The following KHDRBS2 variants were observed in gnomAD, a reference collection of about 807,000 sequenced individuals.
KHDRBS2 encodes the protein KH domain-containing, RNA-binding, signal transduction-associated protein 2.
In KHDRBS2, 26 loss-of-function variants were observed where a neutral mutation model predicts 44.3. The ratio of observed to expected loss-of-function variants is 0.59; its 90% confidence interval spans 0.43 to 0.81. The LOEUF (loss-of-function observed/expected upper bound fraction) is 0.81. Ranked by LOEUF, KHDRBS2 falls within the 40% of genes least tolerant of loss-of-function variation. KHDRBS2 has a pLI of 0.00. For synonymous variants in KHDRBS2, 194 were observed against 151.1 expected, an observed-to-expected ratio of 1.28 and a Z score of -2.08; for missense variants, 476 against 433.1, an observed-to-expected ratio of 1.10 and a Z score of -0.88.
At chr6:61,620,523 G>A in the KHDRBS2 span, among the ~76,000 whole-genome samples, 1 of 152,306 alleles carries the variant, frequency 6.6e-6, no homozygotes, top group South Asian at 2.1e-4. Flanking sequence ...ATTGTTCTGT[G>A]AAGTTACTCA....
At chr6:62,101,294 T>G (rs1801845360) in intron 2 of KHDRBS2, among the ~76,000 whole-genome samples, 1 of 152,162 alleles carries the variant, frequency 6.6e-6, no homozygotes, top group South Asian at 2.1e-4. Context: ...TCCACAGTTT[T>G]GCAGCAGTGG....
At position 61,723,574 on chromosome 6, in the gene KHDRBS2, C is replaced by CA. The variant is rs575590921; in HGVS notation, c.893+9107dup. On this transcript the variant is annotated intron_variant, in intron 7 of 8. Coordinates refer to ENST00000281156, the MANE Select transcript of KHDRBS2 (RefSeq NM_152688.4). ...AAAAACAAACAAACAAACAAACAAA[C>CA]AAAAAAACAACAATACAGAAGCTGA... Among the ~76,000 whole-genome samples the CA allele has an allele frequency of 2.4e-3, 359 of 150,494 alleles. 2 individuals carry two copies. Among genetic ancestry groups the CA allele is most frequent in the African/African-American group, 8.2e-3 (339 of 41,162 alleles).
the KHDRBS2 span, among the ~76,000 whole-genome samples, chr6:61,641,881 AATT>A: frequency 3.3e-5 from 5 of 152,214 alleles, no homozygotes; most frequent in Non-Finnish European, 5.9e-5. Flanking sequence ...TTATGAGATA[AATT>A]ATTATCATTC....
chr6:61,811,980 T>C (rs192467790), intron 6 of KHDRBS2, among the ~76,000 whole-genome samples: 19 of 152,216 alleles, frequency 1.2e-4, no homozygotes, highest in East Asian at 1.9e-4. Context: ...TCCATTAAAA[T>C]TATCTTCTTT....
At chr6:61,551,305 AT>A in the KHDRBS2 span, among the ~76,000 whole-genome samples, 2 of 151,664 alleles carry the variant, frequency 1.3e-5, no homozygotes, top group Admixed American at 1.3e-4. Context: ...ATTTTTTCCC[AT>A]TTTGTAGGTT....
At chr6:62,200,906 TA>T (rs60290542) in intron 1 of KHDRBS2, among the ~76,000 whole-genome samples, 26,073 of 152,074 alleles carry the variant, frequency 0.17, 2,510 homozygotes, top group African/African-American at 0.26. Flanking sequence ...TATGCAGCCA[TA>T]AAAAATGATG....
chr6:62,030,920 G>A (rs1007349881), intron 3 of KHDRBS2, among the ~76,000 whole-genome samples: 9 of 151,970 alleles, frequency 5.9e-5, no homozygotes, highest in East Asian at 1.9e-4. Flanking sequence ...TAAATAAATC[G>A]TGGTATAGGC....
chr6:62,242,104 A>C (rs553870006), intron 1 of KHDRBS2, among the ~76,000 whole-genome samples: 1 of 152,272 alleles, frequency 6.6e-6, no homozygotes, highest in South Asian at 2.1e-4. Flanking sequence ...ATTTAGCATC[A>C]TATTATTAAA....
Position 61,890,746 on chromosome 6 carries a change from C to T in KHDRBS2, c.810+3889G>A, listed in dbSNP as rs1238520908. ...AGTCCTTATTTTTCACATACTATGT[C>T]TCTGGCAAGAAATGGCAGAACCAGG... On this transcript the variant is annotated intron_variant, in intron 6 of 8. Transcript: ENST00000281156. 3.3e-5 allele frequency among the ~76,000 whole-genome samples: 5 copies of T among 152,172 alleles called. No individual in the cohort carries two copies. The South Asian group carries it at 1.0e-3, about 31-fold the overall frequency.
At chr6:62,095,334 G>T (rs1800351571) in intron 2 of KHDRBS2, among the ~76,000 whole-genome samples, 1 of 151,660 alleles carries the variant, frequency 6.6e-6, no homozygotes, top group African/African-American at 2.4e-5. Context: ...ACATACAAAG[G>T]TGGTCCCATA....
intron 2 of KHDRBS2, among the ~76,000 whole-genome samples, chr6:62,108,272 A>G (rs1251840642): frequency 6.6e-6 from 1 of 152,208 alleles, no homozygotes; most frequent in African/African-American, 2.4e-5. Context: ...ACCCCATCAA[A>G]AAGTGGGCGA....
intron 6 of KHDRBS2, among the ~76,000 whole-genome samples, chr6:61,864,228 A>T (rs1382582071): frequency 6.6e-6 from 1 of 152,116 alleles, no homozygotes; most frequent in East Asian, 1.9e-4. Context: ...TTCTTTATCC[A>T]GCTTGCCACT....
chr6:61,758,923 A>G (rs1778889905), intron 6 of KHDRBS2, among the ~76,000 whole-genome samples: 1 of 152,148 alleles, frequency 6.6e-6, no homozygotes, highest in South Asian at 2.1e-4. Flanking sequence ...TATTTACCAC[A>G]CTGCAAATAA....
At chr6:62,159,103 A>G (rs2150110643) in intron 2 of KHDRBS2, among the ~76,000 whole-genome samples, 1 of 152,250 alleles carries the variant, frequency 6.6e-6, no homozygotes, top group East Asian at 1.9e-4. Context: ...GACATGGAGG[A>G]TGTGTAGGCT....
At chr6:62,012,396 T>C (rs965336226) in intron 3 of KHDRBS2, among the ~76,000 whole-genome samples, 4 of 152,306 alleles carry the variant, frequency 2.6e-5, no homozygotes, top group African/African-American at 7.2e-5. Flanking sequence ...CCACTCTTAC[T>C]CATCCACAAT....
At chr6:62,155,859 A>G (rs1816251674) in intron 2 of KHDRBS2, among the ~76,000 whole-genome samples, 2 of 152,236 alleles carry the variant, frequency 1.3e-5, no homozygotes, top group African/African-American at 2.4e-5. Flanking sequence ...GTGTTTCTGC[A>G]TAATCTTTCC....
chr6:62,077,142 T>A (rs1796505935), intron 2 of KHDRBS2, among the ~76,000 whole-genome samples: 1 of 152,092 alleles, frequency 6.6e-6, no homozygotes, highest in Non-Finnish European at 1.5e-5. Flanking sequence ...ATACATTTTT[T>A]ATTTTGAAGA....
the KHDRBS2 span, among the ~76,000 whole-genome samples, chr6:61,647,545 T>TA: frequency 6.6e-6 from 1 of 152,268 alleles, no homozygotes; most frequent in South Asian, 2.1e-4. Context: ...TGCACAGGAT[T>TA]AAAAAATAGA....
At chr6:61,899,833 T>C (rs902108384) in intron 5 of KHDRBS2, among the ~76,000 whole-genome samples, 2 of 147,580 alleles carry the variant, frequency 1.4e-5, no homozygotes, top group African/African-American at 5.0e-5. Context: ...AGCTGTAAAA[T>C]TGGCATTTGT....
Sources: allele counts gnomAD v4.1 joint callset (sites outside exome capture counted in the v4.1 genomes callset), GRCh38; gene constraint gnomAD v4.1.1; transcripts MANE v1.5; gene names NCBI Gene and HGNC (gene_info 2026-07-23, HGNC 2026-07-21).